Variants in SMARCA2 observed in about 807,000 individuals in gnomAD.
The protein encoded by SMARCA2 is SWI/SNF-related matrix-associated actin-dependent regulator of chromatin subfamily A member 2.
Under a neutral mutation model 199.8 loss-of-function variants are expected in SMARCA2, and 61 were observed. The ratio of observed to expected loss-of-function variants is 0.31; its 90% CI spans 0.25 to 0.38. The LOEUF (loss-of-function observed/expected upper bound fraction) is 0.38. SMARCA2 is among the 10% of genes least tolerant of loss of function. The pLI is 1.00. For missense variants in SMARCA2, 1,344 were observed against 2,012.2 expected (o/e 0.67, Z 6.35); for synonymous variants, 935 against 732.0 (o/e 1.28, Z -4.48).
chr9:2,052,240 G>T (rs982608308), intron 5 of SMARCA2, among the ~76,000 whole-genome samples: 2 of 152,234 alleles, frequency 1.3e-5, no homozygotes, highest in Non-Finnish European at 2.9e-5. Flanking sequence ...TCGGGAGGCC[G>T]ATGCCTGCGG....
Position 2,123,512 on chromosome 9 carries a change from G to T in SMARCA2, c.3763-207G>T, listed in dbSNP as rs990668255. On this transcript the variant is annotated intron_variant, in intron 26 of 33. Transcript: ENST00000349721. The surrounding 1 kb of genome is among the most constrained non-coding windows in gnomAD (Gnocchi z 4.1). ...TAAATGTATGAATAAGTTTCAAAAG[G>T]TGGGTACAGAAAAAGGGAGGGGATT... 6.6e-6 allele frequency among the ~76,000 whole-genome samples: 1 copy of T among 152,150 alleles called. No homozygotes were observed. The highest frequency in any genetic ancestry group is 1.5e-5 in the Non-Finnish European group (1 of 68,024).
chr9:2,109,442 A>G (rs780875577), intron 23 of SMARCA2, among the ~76,000 whole-genome samples: 5 of 152,200 alleles, frequency 3.3e-5, no homozygotes, highest in Admixed American at 2.6e-4. Context: ...GAATGCCCCA[A>G]AAGTGAGCAC....
At chr9:2,192,664 G>A (rs369718703) in intron 33 of SMARCA2, 40 bp from the exon 34 acceptor site, 2 of 1,405,574 alleles carry the variant, frequency 1.4e-6, no homozygotes, top group Non-Finnish European at 2.0e-6. Flanking sequence ...TTTCTTGCAT[G>A]TGATGTTACT....
intron 4 of SMARCA2, chr9:2,043,722 C>A (rs990660556): frequency 6.6e-6 from 1 of 152,108 alleles, no homozygotes; most frequent in Non-Finnish European, 1.5e-5. Context: ...AAGTTCTGTG[C>A]CTGTGAGACT....
At chr9:2,076,367 G>T in intron 13 of SMARCA2, 38 bp downstream of exon 13, 1 of 1,202,566 alleles carries the variant, frequency 8.3e-7, no homozygotes, top group Non-Finnish European at 1.2e-6. Context: ...TGCATTGCAT[G>T]AGGATGATGC....
At chr9:2,096,276 C>T (rs960186434) in intron 19 of SMARCA2, among the ~76,000 whole-genome samples, 5 of 152,134 alleles carry the variant, frequency 3.3e-5, no homozygotes, top group South Asian at 2.1e-4. Flanking sequence ...TTCCTAAAAC[C>T]GTTCTGTTCA....
chr9:2,181,278 T>C (rs931583866), intron 29 of SMARCA2: 3 of 225,058 alleles, frequency 1.3e-5, no homozygotes, highest in Non-Finnish European at 2.6e-5. Context: ...ATTTTAAATA[T>C]TTCTATCAAA....
intron 2 of SMARCA2, among the ~76,000 whole-genome samples, chr9:2,031,715 C>A (rs1007326968): frequency 1.3e-5 from 2 of 152,128 alleles, no homozygotes; most frequent in Admixed American, 6.5e-5. Context: ...TTTTTGCCAT[C>A]CTGCTTCTCC....
At chr9:2,144,118 G>C (rs1824600369) in intron 27 of SMARCA2, among the ~76,000 whole-genome samples, 1 of 152,130 alleles carries the variant, frequency 6.6e-6, no homozygotes, top group Non-Finnish European at 1.5e-5. Context: ...AATCATTAGA[G>C]GAAATGAATG....
At chr9:2,165,202 G>A (rs1277716644) in intron 28 of SMARCA2, among the ~76,000 whole-genome samples, 1 of 152,170 alleles carries the variant, frequency 6.6e-6, no homozygotes, top group Non-Finnish European at 1.5e-5. Context: ...GGCTCTGACA[G>A]TCATGTAGAT....
In SMARCA2 at chr9:2,082,350, T is replaced by TGTGTGTGA. The variant is rs370220959; in HGVS notation, c.2348+356_2348+357insTGTGTGAG. Among the ~76,000 whole-genome samples, 958 of 140,694 alleles carry TGTGTGTGA rather than the reference T, an allele frequency of 6.8e-3. 18 individuals carry two copies. Among genetic ancestry groups the TGTGTGTGA allele is most frequent in the African/African-American group, 0.025 (887 of 36,120 alleles). The allele number at this position is 140,694 out of a possible 152,430, so 92.3% of individuals were successfully genotyped here. ...GTGTGTGTGTGTGTGTGTGTGTGTG[T>TGTGTGTGA]GATTTCTTTGATTTTTTCCTTATTC... On this transcript the variant is annotated intron_variant, in intron 15 of 33. Transcript: ENST00000349721.
Position 2,169,986 on chromosome 9 carries a change from C to G in SMARCA2, c.4200-433C>G, listed in dbSNP as rs1295886994. Among the ~76,000 whole-genome samples, 6 of 152,144 alleles carry G rather than the reference C, an allele frequency of 3.9e-5. No individual in the cohort carries two copies. Among genetic ancestry groups the G allele is most frequent in the Non-Finnish European group, 8.8e-5 (6 of 68,030 alleles). ...TTGTGCAGGCTACTGTAAGAAAGCA[C>G]TTTATCCTATTTAATTTTTATAACT... On this transcript the variant is annotated intron_variant, in intron 28 of 33. Transcript: ENST00000349721. The surrounding 1 kb of genome is among the most constrained non-coding windows in gnomAD (Gnocchi z 6.5).
chr9:2,165,437 C>G (rs535527240), intron 28 of SMARCA2, among the ~76,000 whole-genome samples: 80 of 152,220 alleles, frequency 5.3e-4, no homozygotes, highest in African/African-American at 1.9e-3. Context: ...AAATCTGACC[C>G]TTAAGAGCCA....
At position 2,169,157 on chromosome 9, in the gene SMARCA2, AC is replaced by A. The variant is rs1826101081; in HGVS notation, c.4200-1259del. Reference sequence around the variant, plus strand: ...CTGCTCCTAATTGTCCCTACAAGACACCCGTTCACCTGCCTCCTCACCCCCT... The same window carrying A: ...CTGCTCCTAATTGTCCCTACAAGACACCGTTCACCTGCCTCCTCACCCCCT... On this transcript the variant is annotated intron_variant, in intron 28 of 33. Transcript: ENST00000349721. The surrounding 1 kb of genome is among the most constrained non-coding windows in gnomAD (Gnocchi z 6.5). Among the ~76,000 whole-genome samples the A allele has an allele frequency of 6.6e-6, 1 of 152,094 alleles. No individual in the cohort carries two copies. Among genetic ancestry groups the A allele is most frequent in the South Asian group, 2.1e-4 (1 of 4,820 alleles).
rs114627143 is a variant in SMARCA2 at position 2,064,662 on chromosome 9, T to G, written c.1692+3676T>G. ...ATCTTTGAGGACAGTGACAGATTCT[T>G]TAAATACTGAGGCATGCAGAAGAAA... On this transcript the variant is annotated intron_variant, in intron 9 of 33. Coordinates refer to ENST00000349721, the MANE Select transcript of SMARCA2 (RefSeq NM_003070.5). Among the ~76,000 whole-genome samples, 367 of 152,310 alleles carry G rather than the reference T, an allele frequency of 2.4e-3. 1 individual carries two copies. Among genetic ancestry groups the G allele is most frequent in the African/African-American group, 8.2e-3 (341 of 41,562 alleles).
At chr9:2,105,840 C>G (rs576895553) in intron 23 of SMARCA2, among the ~76,000 whole-genome samples, 1 of 152,324 alleles carries the variant, frequency 6.6e-6, no homozygotes, top group East Asian at 1.9e-4. Context: ...TCCTGCGTAA[C>G]TATCACTTGC....
chr9:2,123,754 G>A lies in SMARCA2; in HGVS notation c.3798G>A (p.Arg1266=), dbSNP rs1256501155. ...TGGACCGGCGGAGGGAAGATGCCCG[G>A]AACCCGAAACGGAAGCCCCGTTTAA... The part of the protein sequence containing the change: ...MDMDRRREDA[R]NPKRKPRLME... Residue 1266 remains arginine, a synonymous_variant, in exon 27 of 34, where the codon CGG becomes CGA. Coordinates refer to ENST00000349721, the MANE Select transcript of SMARCA2 (RefSeq NM_003070.5). This position sits in a 1 kb window ranked among gnomAD's most constrained non-coding sequence, Gnocchi z 4.1. 1.9e-6 allele frequency: 3 copies of A among 1,614,138 alleles called. No individual in the cohort carries two copies. Among genetic ancestry groups the A allele is most frequent in the East Asian group, 4.5e-5 (2 of 44,878 alleles).
chr9:2,055,869 A>T (rs553198561), intron 6 of SMARCA2, among the ~76,000 whole-genome samples: 1 of 152,224 alleles, frequency 6.6e-6, no homozygotes, highest in African/African-American at 2.4e-5. Context: ...GAATATGTTT[A>T]TGTTCAAATT....
At chr9:2,143,596 A>G (rs1318814832) in intron 27 of SMARCA2, among the ~76,000 whole-genome samples, 1 of 152,232 alleles carries the variant, frequency 6.6e-6, no homozygotes, top group East Asian at 1.9e-4. Context: ...ATTGCTTATG[A>G]ACTATTTCAG....
Sources: gnomAD v4.1 joint callset for allele counts (sites outside exome capture counted in the v4.1 genomes callset) on GRCh38, gnomAD v4.1.1 for gene constraint, Gnocchi (gnomAD v3.1) non-coding constraint, MANE v1.5 for transcripts, NCBI Gene and HGNC (gene_info 2026-07-23, HGNC 2026-07-21) for gene names.